The following MAGI3 variants were observed in gnomAD, a reference collection of about 807,000 sequenced individuals.
MAGI3 encodes membrane associated guanylate kinase, WW and PDZ domain containing 3, also known as membrane-associated guanylate kinase, WW and PDZ domain-containing protein 3.
MAGI3 carries 43 observed loss-of-function variants against 121.8 expected under a neutral mutation model. That is an observed-to-expected ratio of 0.35 (90% CI 0.28 to 0.46). The LOEUF (loss-of-function observed/expected upper bound fraction) is 0.46. Among genes scored for constraint, MAGI3 ranks in the 20% least tolerant of loss-of-function variants. The pLI, the probability that MAGI3 is intolerant of heterozygous loss-of-function variation, is 1.00. For synonymous variants in MAGI3, 553 were observed against 639.3 expected (o/e 0.86, Z 2.04); for missense variants, 1,547 against 1,797.3 (o/e 0.86, Z 2.52).
At chr1:113,437,851 CTTCTTCTTCT>C (rs1653672416) in intron 1 of MAGI3, among the ~76,000 whole-genome samples, 2 of 56,234 alleles carry the variant, frequency 3.6e-5, no homozygotes, top group African/African-American at 1.6e-4. Context: ...TCTTCTTCTT[CTTCTTCTTCT>C]TCCTCTTCTT....
intron 1 of MAGI3, among the ~76,000 whole-genome samples, chr1:113,399,302 G>A (rs1335167195): frequency 6.6e-6 from 1 of 152,086 alleles, no homozygotes; most frequent in Non-Finnish European, 1.5e-5. Context: ...TGCCATGATT[G>A]GTCAGGCGTG....
At chr1:113,588,806 A>T (rs564172336) in intron 4 of MAGI3, among the ~76,000 whole-genome samples, 124 of 152,312 alleles carry the variant, frequency 8.1e-4, no homozygotes, top group African/African-American at 2.8e-3. Flanking sequence ...AGGTCCAGAG[A>T]GAACTGGAAG....
chr1:113,545,437 T>A (rs1272043346), intron 1 of MAGI3, among the ~76,000 whole-genome samples: 1 of 152,244 alleles, frequency 6.6e-6, no homozygotes, highest in Non-Finnish European at 1.5e-5. Context: ...TCCTTAACTA[T>A]CCTTGTGGAA....
chr1:113,576,551 C>T (rs1401210445), intron 2 of MAGI3, among the ~76,000 whole-genome samples: 2 of 152,194 alleles, frequency 1.3e-5, no homozygotes, highest in Non-Finnish European at 2.9e-5. Context: ...AGAAACCACC[C>T]ACCTTCTGTG....
chr1:113,485,892 T>C, intron 1 of MAGI3, among the ~76,000 whole-genome samples: 1 of 152,214 alleles, frequency 6.6e-6, no homozygotes, highest in East Asian at 1.9e-4. Context: ...GACTTGCCAA[T>C]TACCCTGGCA....
intron 9 of MAGI3, among the ~76,000 whole-genome samples, chr1:113,639,688 C>T (rs9429525): frequency 0.38 from 58,036 of 152,022 alleles, 12,811 homozygotes; most frequent in African/African-American, 0.6. Context: ...CTGCCTCAGC[C>T]TCCTGAGTAG....
chr1:113,466,182 T>C (rs1655273720), intron 1 of MAGI3, among the ~76,000 whole-genome samples: 2 of 152,180 alleles, frequency 1.3e-5, no homozygotes, highest in Non-Finnish European at 2.9e-5. Flanking sequence ...TTATACCCTT[T>C]GTGATGAGGA....
chr1:113,408,760 C>T (rs1651818824), intron 1 of MAGI3, among the ~76,000 whole-genome samples: 1 of 152,068 alleles, frequency 6.6e-6, no homozygotes, highest in East Asian at 1.9e-4. Context: ...TTCCCAAACT[C>T]ATTTCCCATT....
chr1:113,437,886 C>CTTCTTCTTCTTCCTCTT (rs1214332097), intron 1 of MAGI3, among the ~76,000 whole-genome samples: 20 of 11,140 alleles, frequency 1.8e-3, no homozygotes, highest in East Asian at 5.5e-3. Flanking sequence ...TTCTCCTTCT[C>CTTCTTCTTCTTCCTCTT]CTTCTCCTTC....
chr1:113,416,204 C>CACATATTATGTAATTAATG (rs1652342498), intron 1 of MAGI3, among the ~76,000 whole-genome samples: 1 of 107,770 alleles, frequency 9.3e-6, no homozygotes, highest in Non-Finnish European at 1.9e-5. Flanking sequence ...TAATTAATGA[C>CACATATTATGTAATTAATG]ACATATTATT....
Position 113,422,782 on chromosome 1 carries a change from G to C in MAGI3, c.316+31433G>C, listed in dbSNP as rs903291564. On this transcript the variant is annotated intron_variant, in intron 1 of 20. Transcript: ENST00000307546. This position sits in a 1 kb window ranked among gnomAD's most constrained non-coding sequence, Gnocchi z 4.3. ...GAGTGGGGGAGGCATGTTTCGGGGGGCATGTTTTGGCCCAATTGTGTTATA... is the reference window on the plus strand; with the variant it reads ...GAGTGGGGGAGGCATGTTTCGGGGGCCATGTTTTGGCCCAATTGTGTTATA... Among the ~76,000 whole-genome samples the C allele has an allele frequency of 2.6e-5, 4 of 152,198 alleles. No homozygotes were observed. Among genetic ancestry groups the C allele is most frequent in the Non-Finnish European group, 5.9e-5 (4 of 68,024 alleles).
chr1:113,452,455 TACACACACACAC>T (rs4026203), intron 1 of MAGI3, among the ~76,000 whole-genome samples: 3 of 147,212 alleles, frequency 2.0e-5, no homozygotes, highest in South Asian at 2.2e-4. Context: ...TGCATAGACA[TACACACACACAC>T]ACACACACAC....
chr1:113,435,532 A>C (rs1653524247), intron 1 of MAGI3, among the ~76,000 whole-genome samples: 2 of 152,156 alleles, frequency 1.3e-5, no homozygotes, highest in South Asian at 4.1e-4. Flanking sequence ...AAAATAATTA[A>C]TAGCAAGATT....
chr1:113,561,833 C>T (rs6666678), intron 2 of MAGI3, among the ~76,000 whole-genome samples: 2,376 of 152,216 alleles, frequency 0.016, 68 homozygotes, highest in African/African-American at 0.054. Flanking sequence ...TCCCTGTTTG[C>T]CGATGACATG....
At chr1:113,538,426 G>A (rs982603491) in intron 1 of MAGI3, among the ~76,000 whole-genome samples, 9 of 152,184 alleles carry the variant, frequency 5.9e-5, no homozygotes, top group African/African-American at 2.2e-4. Context: ...AGTTATTGGT[G>A]TGCCAGCCAG....
chr1:113,641,833 A>G (rs575216708), intron 9 of MAGI3, 78 bp from the exon 10 acceptor site: 2 of 1,332,454 alleles, frequency 1.5e-6, no homozygotes, highest in Admixed American at 4.8e-5. Flanking sequence ...GCTAAATTGT[A>G]GTTATTTTTG....
At chr1:113,401,230 G>A (rs1651382007) in intron 1 of MAGI3, among the ~76,000 whole-genome samples, 1 of 152,034 alleles carries the variant, frequency 6.6e-6, no homozygotes, top group South Asian at 2.1e-4. Flanking sequence ...TAGAATATTA[G>A]TTCATTATAT....
chr1:113,570,631 TG>T (rs1273475093), intron 2 of MAGI3, among the ~76,000 whole-genome samples: 4 of 152,356 alleles, frequency 2.6e-5, no homozygotes, highest in South Asian at 2.1e-4. Context: ...TTTGCATCTC[TG>T]TAATGACCAG....
chr1:113,588,534 G>C (rs1022718214), intron 4 of MAGI3, among the ~76,000 whole-genome samples: 2 of 152,128 alleles, frequency 1.3e-5, no homozygotes, highest in Non-Finnish European at 2.9e-5. Flanking sequence ...GATTCAAAGA[G>C]TAACATGGTA....
Sources: gnomAD v4.1 joint callset for allele counts (sites outside exome capture counted in the v4.1 genomes callset) on GRCh38, gnomAD v4.1.1 for gene constraint, Gnocchi (gnomAD v3.1) non-coding constraint, MANE v1.5 for transcripts, NCBI Gene and HGNC (gene_info 2026-07-23, HGNC 2026-07-21) for gene names.